Variants in MGMT observed in about 807,000 individuals in gnomAD.
MGMT encodes O-6-methylguanine-DNA methyltransferase.
In MGMT, 14 loss-of-function variants were observed where a neutral mutation model predicts 15.9. The observed-to-expected ratio is 0.88, with a 90% confidence interval of 0.58 to 1.37. The LOEUF is 1.37. MGMT is among the 40% of genes most tolerant of loss of function. The probability of loss-of-function intolerance (pLI) is 0.00; values close to 1 mark genes in which losing one functional copy is unlikely to be tolerated. For missense variants in MGMT, 282 were observed against 268.1 expected, an observed-to-expected ratio of 1.05 and a Z score of -0.36; for synonymous variants, 130 against 118.2, an observed-to-expected ratio of 1.10 and a Z score of -0.65.
At position 129,556,254 on chromosome 10, in the gene MGMT, G is replaced by C. The variant is rs1846211968; in HGVS notation, c.125+19877G>C. On this transcript the variant is annotated intron_variant, in intron 2 of 4. Transcript: ENST00000651593. The surrounding 1 kb of genome is among the most constrained non-coding windows in gnomAD (Gnocchi z 4.3). The stretch of plus-strand genomic sequence containing the variant: ...TTAGGTGTTGAAGTCCTCATCCTCA[G>C]AACCTCTGGATGTGACAGTATTTTT... Among the ~76,000 whole-genome samples, 1 of 152,200 alleles carries C rather than the reference G, an allele frequency of 6.6e-6. No individual in the cohort carries two copies. The highest frequency in any genetic ancestry group is 2.4e-5 in the African/African-American group (1 of 41,442).
At chr10:129,475,570 C>G (rs1049403757) in intron 1 of MGMT, among the ~76,000 whole-genome samples, 1 of 152,188 alleles carries the variant, frequency 6.6e-6, no homozygotes, top group African/African-American at 2.4e-5. Flanking sequence ...CAGAAAAATT[C>G]GTTTCTGTCA....
chr10:129,550,388 T>C (rs1374640995), intron 2 of MGMT, among the ~76,000 whole-genome samples: 1 of 152,000 alleles, frequency 6.6e-6, no homozygotes, highest in Non-Finnish European at 1.5e-5. Context: ...ACCGGAATGT[T>C]TCACAGTGTT....
chr10:129,487,351 G>A (rs1307909586), intron 1 of MGMT, among the ~76,000 whole-genome samples: 1 of 152,030 alleles, frequency 6.6e-6, no homozygotes, highest in East Asian at 1.9e-4. Context: ...TCACATCTCT[G>A]GGGTTGCTAG....
At chr10:129,580,879 A>G (rs1228095721) in intron 2 of MGMT, among the ~76,000 whole-genome samples, 1 of 152,172 alleles carries the variant, frequency 6.6e-6, no homozygotes, top group East Asian at 1.9e-4. Flanking sequence ...TTACCCTTAG[A>G]AGACATAGTA....
intron 1 of MGMT, among the ~76,000 whole-genome samples, chr10:129,475,571 G>A (rs887608163): frequency 1.3e-5 from 2 of 152,220 alleles, no homozygotes; most frequent in African/African-American, 2.4e-5. Flanking sequence ...AGAAAAATTC[G>A]TTTCTGTCAC....
intron 2 of MGMT, among the ~76,000 whole-genome samples, chr10:129,600,530 A>G (rs1456146168): frequency 6.6e-6 from 1 of 152,250 alleles, no homozygotes; most frequent in East Asian, 1.9e-4. Flanking sequence ...CTGTGGAGCC[A>G]TTTCTTAAGA....
chr10:129,516,701 C>G (rs1323513797), intron 1 of MGMT, among the ~76,000 whole-genome samples: 1 of 152,178 alleles, frequency 6.6e-6, no homozygotes, highest in African/African-American at 2.4e-5. Context: ...TTCCCCCACC[C>G]CAGCCCCCAC....
At chr10:129,651,735 G>T (rs1473387194) in intron 2 of MGMT, among the ~76,000 whole-genome samples, 1 of 152,010 alleles carries the variant, frequency 6.6e-6, no homozygotes, top group East Asian at 1.9e-4. Flanking sequence ...TTTTCATTTC[G>T]TATTTGGTTT....
At chr10:129,731,331 G>C (rs1848494642) in intron 3 of MGMT, among the ~76,000 whole-genome samples, 1 of 147,560 alleles carries the variant, frequency 6.8e-6, no homozygotes, top group Non-Finnish European at 1.5e-5. Context: ...GTGCACATTT[G>C]CCATATTGGA....
chr10:129,565,958 G>A (rs1011490711), intron 2 of MGMT, among the ~76,000 whole-genome samples: 13 of 152,142 alleles, frequency 8.5e-5, no homozygotes, highest in Non-Finnish European at 1.5e-4. Flanking sequence ...CGTGGTCGGG[G>A]CCTGTGATTC....
chr10:129,725,352 C>T (rs11016893), intron 3 of MGMT, among the ~76,000 whole-genome samples: 5,232 of 152,328 alleles, frequency 0.034, 159 homozygotes, highest in Non-Finnish European at 0.055. Flanking sequence ...TGTGGGTCAG[C>T]GCTGCCCTGT....
intron 1 of MGMT, among the ~76,000 whole-genome samples, chr10:129,482,973 C>T (rs1845373902): frequency 6.6e-6 from 1 of 152,130 alleles, no homozygotes; most frequent in Non-Finnish European, 1.5e-5. Flanking sequence ...TTTTGCCCTT[C>T]CTCCATCTTC....
At chr10:129,557,038 C>T (rs543964613) in intron 2 of MGMT, among the ~76,000 whole-genome samples, 2 of 152,224 alleles carry the variant, frequency 1.3e-5, no homozygotes, top group East Asian at 1.9e-4. Context: ...AGACTCGCTT[C>T]GCCCTCTTAC....
At chr10:129,535,554 A>G (rs547761057) in intron 1 of MGMT, among the ~76,000 whole-genome samples, 6 of 152,300 alleles carry the variant, frequency 3.9e-5, no homozygotes, top group African/African-American at 1.4e-4. Flanking sequence ...GGGTCTTGCT[A>G]CGTTGCCCAG....
intron 2 of MGMT, among the ~76,000 whole-genome samples, chr10:129,636,480 G>A (rs1847266340): frequency 6.6e-6 from 1 of 152,250 alleles, no homozygotes; most frequent in South Asian, 2.1e-4. Flanking sequence ...GTCATTGAAA[G>A]AAGGCCTTAA....
At position 129,687,572 on chromosome 10, in the gene MGMT, C is replaced by T. The variant is rs1303689512; in HGVS notation, c.126-20323C>T. 2.0e-5 allele frequency among the ~76,000 whole-genome samples: 3 copies of T among 152,320 alleles called. No homozygotes were observed. In the East Asian group the frequency reaches 5.8e-4, roughly 29 times the overall value. On this transcript the variant is annotated intron_variant, in intron 2 of 4. Coordinates refer to ENST00000651593, the MANE Select transcript of MGMT (RefSeq NM_002412.5). The stretch of plus-strand genomic sequence containing the variant: ...CAAATCTGTGGTAGCTCCACCCCGT[C>T]CTCCTAGTGCACACGTAGGCCCTTA...
intron 1 of MGMT, among the ~76,000 whole-genome samples, chr10:129,502,341 C>T (rs540934396): frequency 1.6e-4 from 24 of 152,252 alleles, no homozygotes; most frequent in African/African-American, 5.5e-4. Context: ...AATGAGATAA[C>T]GCATGTAAAG....
intron 3 of MGMT, among the ~76,000 whole-genome samples, chr10:129,723,717 A>C (rs1011033977): frequency 6.6e-6 from 1 of 152,172 alleles, no homozygotes; most frequent in Non-Finnish European, 1.5e-5. Context: ...TAACTGGACA[A>C]AATATCTCAC....
Position 129,684,453 on chromosome 10 carries a change from A to G in MGMT, c.126-23442A>G, listed in dbSNP as rs530204331. Reference sequence around the variant, plus strand: ...GTCAGCCTTGTATGTGCGTGAGACCAACTTTCTTTTTCCACAAATACAAAT... The same window carrying G: ...GTCAGCCTTGTATGTGCGTGAGACCGACTTTCTTTTTCCACAAATACAAAT... On this transcript the variant is annotated intron_variant, in intron 2 of 4. Coordinates refer to ENST00000651593, the MANE Select transcript of MGMT (RefSeq NM_002412.5). Among the ~76,000 whole-genome samples, 17 of 152,352 alleles carry G rather than the reference A, an allele frequency of 1.1e-4. No individual in the cohort carries two copies. In the South Asian group the frequency reaches 3.5e-3, roughly 32 times the overall value.
Sources: allele counts gnomAD v4.1 joint callset (sites outside exome capture counted in the v4.1 genomes callset), GRCh38; gene constraint gnomAD v4.1.1; non-coding constraint Gnocchi (gnomAD v3.1); transcripts MANE v1.5; gene names NCBI Gene and HGNC (gene_info 2026-07-23, HGNC 2026-07-21).